ESRRG: variants seen among roughly 807,000 people sequenced by gnomAD.
ESRRG encodes the protein estrogen-related receptor gamma.
Under a neutral mutation model 44.0 loss-of-function variants are expected in ESRRG, and 13 were observed. That is an observed-to-expected ratio of 0.30 (90% CI 0.19 to 0.47). ESRRG has a LOEUF of 0.47. Among genes scored for constraint, ESRRG ranks in the 20% least tolerant of loss-of-function variants. The pLI is 1.00. For missense variants in ESRRG, 395 were observed against 580.6 expected (o/e 0.68, Z 3.29); for synonymous variants, 215 against 214.6 (o/e 1.00, Z -0.02).
intron 4 of ESRRG, among the ~76,000 whole-genome samples, chr1:216,565,229 G>A (rs1268319685): frequency 6.6e-6 from 1 of 152,134 alleles, no homozygotes; most frequent in East Asian, 1.9e-4. Context: ...TTGCTCAGGG[G>A]CATGTGAGGG....
At chr1:216,915,575 AAAACAAAC>A (rs113085137) in intron 2 of ESRRG, among the ~76,000 whole-genome samples, 11 of 152,060 alleles carry the variant, frequency 7.2e-5, no homozygotes, top group South Asian at 4.2e-4. Flanking sequence ...CAAGATAGCT[AAAACAAAC>A]AAACAAACAA....
At chr1:216,861,431 A>G (rs905072513) in intron 2 of ESRRG, among the ~76,000 whole-genome samples, 1 of 152,068 alleles carries the variant, frequency 6.6e-6, no homozygotes, top group Non-Finnish European at 1.5e-5. Flanking sequence ...AATTATCCTA[A>G]TATTGATCAT....
At chr1:217,023,071 T>G (rs1202816564) in intron 1 of ESRRG, among the ~76,000 whole-genome samples, 1 of 152,236 alleles carries the variant, frequency 6.6e-6, no homozygotes. Context: ...TACTTGTTTC[T>G]ACTCTGGCCA....
chr1:216,941,121 C>T (rs890571746), intron 1 of ESRRG, among the ~76,000 whole-genome samples: 1 of 151,940 alleles, frequency 6.6e-6, no homozygotes, highest in African/African-American at 2.4e-5. Flanking sequence ...AGAATCCAAC[C>T]CTATTTATTT....
intron 1 of ESRRG, among the ~76,000 whole-genome samples, chr1:217,067,295 A>G (rs1433416861): frequency 1.3e-5 from 2 of 152,240 alleles, no homozygotes; most frequent in Admixed American, 6.5e-5. Flanking sequence ...TCCTAAAATT[A>G]AATTGATTAT....
intron 2 of ESRRG, among the ~76,000 whole-genome samples, chr1:216,783,673 A>C (rs2094015901): frequency 6.6e-6 from 1 of 151,962 alleles, no homozygotes; most frequent in African/African-American, 2.4e-5. Context: ...CAAATTCCTG[A>C]AGGAATTCAA....
chr1:216,889,631 A>T (rs1374446051), intron 2 of ESRRG, among the ~76,000 whole-genome samples: 1 of 152,202 alleles, frequency 6.6e-6, no homozygotes, highest in Non-Finnish European at 1.5e-5. Context: ...TCAGAAAAGT[A>T]AAAGGGCACC....
At chr1:216,785,664 A>C (rs1326419248) in intron 2 of ESRRG, among the ~76,000 whole-genome samples, 1 of 152,128 alleles carries the variant, frequency 6.6e-6, no homozygotes, top group African/African-American at 2.4e-5. Flanking sequence ...CCGCAAGAGA[A>C]GGGTCTCCTT....
At chr1:216,849,656 T>G (rs2095811441) in intron 2 of ESRRG, among the ~76,000 whole-genome samples, 1 of 152,056 alleles carries the variant, frequency 6.6e-6, no homozygotes. Context: ...TTGAAAAACT[T>G]TCCTTGATAC....
At chr1:216,821,807 C>T (rs576150130) in intron 2 of ESRRG, among the ~76,000 whole-genome samples, 14 of 151,012 alleles carry the variant, frequency 9.3e-5, no homozygotes, top group African/African-American at 3.4e-4. Context: ...CCTTATGATT[C>T]AACCTAATGC....
At chr1:217,030,403 T>A (rs2081908551) in intron 1 of ESRRG, among the ~76,000 whole-genome samples, 1 of 152,164 alleles carries the variant, frequency 6.6e-6, no homozygotes, top group Non-Finnish European at 1.5e-5. Context: ...AAATCATTAA[T>A]CCCACTTTAC....
At chr1:216,694,675 C>T (rs1324206853) in intron 1 of ESRRG, among the ~76,000 whole-genome samples, 1 of 152,028 alleles carries the variant, frequency 6.6e-6, no homozygotes, top group Non-Finnish European at 1.5e-5. Context: ...CCTCCTGCCT[C>T]AGCCCCGAGT....
intron 1 of ESRRG, among the ~76,000 whole-genome samples, chr1:216,978,696 C>G (rs986743136): frequency 6.6e-6 from 1 of 152,100 alleles, no homozygotes; most frequent in Non-Finnish European, 1.5e-5. Context: ...GCAGAAAGAG[C>G]CATCTCTATG....
chr1:216,697,845 T>C (rs2080493674), intron 1 of ESRRG, among the ~76,000 whole-genome samples: 1 of 152,158 alleles, frequency 6.6e-6, no homozygotes, highest in African/African-American at 2.4e-5. Context: ...AAGATCAAGA[T>C]AGTGTGAAAC....
At chr1:216,934,402 C>G (rs2063807297) in intron 2 of ESRRG, among the ~76,000 whole-genome samples, 1 of 152,124 alleles carries the variant, frequency 6.6e-6, no homozygotes, top group Non-Finnish European at 1.5e-5. Context: ...CCACTCCTCT[C>G]CAGCTTAGGA....
chr1:216,763,670 T>G (rs1441057993), intron 2 of ESRRG, among the ~76,000 whole-genome samples: 1 of 152,162 alleles, frequency 6.6e-6, no homozygotes, highest in Non-Finnish European at 1.5e-5. Context: ...CAGTTAAATT[T>G]ACTGCAACAT....
rs1166612304 is a variant in ESRRG, at chr1:216,506,902, T to A, written c.*37A>T. The A allele has an allele frequency of 6.3e-7, 1 of 1,585,442 alleles. No homozygotes were observed. Among genetic ancestry groups the A allele is most frequent in the African/African-American group, 1.4e-5 (1 of 73,466 alleles). On this transcript the variant is annotated 3_prime_UTR_variant, in exon 7 of 7. Coordinates refer to ENST00000408911, the MANE Select transcript of ESRRG (RefSeq NM_001438.4). ...CACTCTTGGGTTTATTTTCCCTTTTTCAACATGAAGGATGGGAAGGCCCAG... is the reference window on the plus strand; with the variant it reads ...CACTCTTGGGTTTATTTTCCCTTTTACAACATGAAGGATGGGAAGGCCCAG...
intron 2 of ESRRG, among the ~76,000 whole-genome samples, chr1:216,773,388 C>T (rs369969194): frequency 6.6e-6 from 1 of 152,062 alleles, no homozygotes; most frequent in East Asian, 1.9e-4. Context: ...TCATGGACTG[C>T]CTTGATGTAG....
intron 2 of ESRRG, among the ~76,000 whole-genome samples, chr1:216,898,567 G>A (rs879438916): frequency 2.0e-4 from 31 of 152,226 alleles, no homozygotes; most frequent in Admixed American, 1.4e-3. Flanking sequence ...GCAGTGAGCC[G>A]AGATCATGGC....
Sources: allele counts gnomAD v4.1 joint callset (sites outside exome capture counted in the v4.1 genomes callset), GRCh38; gene constraint gnomAD v4.1.1; transcripts MANE v1.5; gene names NCBI Gene and HGNC (gene_info 2026-07-23, HGNC 2026-07-21).